The following ROBO1 variants were observed in gnomAD, a reference collection of about 807,000 sequenced individuals.
ROBO1 encodes roundabout homolog 1.
Under a neutral mutation model 195.9 loss-of-function variants are expected in ROBO1, and 149 were observed. The ratio of observed to expected loss-of-function variants is 0.76; its 90% confidence interval spans 0.67 to 0.87. ROBO1 has a LOEUF of 0.87. Among genes scored for constraint, ROBO1 ranks in the 40% least tolerant of loss-of-function variants. The pLI is 0.00. For synonymous variants in ROBO1, 816 were observed against 733.2 expected (o/e 1.11, Z -1.82); for missense variants, 1,933 against 2,068.3 (o/e 0.93, Z 1.27).
At chr3:78,698,323 ACT>A (rs1382935618) in intron 8 of ROBO1, among the ~76,000 whole-genome samples, 1 of 151,910 alleles carries the variant, frequency 6.6e-6, no homozygotes, top group African/African-American at 2.4e-5. Flanking sequence ...ACAATTAAAA[ACT>A]CTCAGGATAT....
intron 2 of ROBO1, among the ~76,000 whole-genome samples, chr3:79,345,722 G>T (rs2035085246): frequency 6.6e-6 from 1 of 152,136 alleles, no homozygotes; most frequent in South Asian, 2.1e-4. Flanking sequence ...CAGAGGCAAA[G>T]TTGTAATCTC....
intron 4 of ROBO1, among the ~76,000 whole-genome samples, chr3:78,761,247 A>C (rs1428369764): frequency 1.0e-5 from 1 of 99,196 alleles, no homozygotes; most frequent in Non-Finnish European, 2.1e-5. Flanking sequence ...AACCATTAGC[A>C]ACTTCAAGAA....
chr3:79,502,318 G>A (rs1262065485), intron 2 of ROBO1, among the ~76,000 whole-genome samples: 2 of 152,168 alleles, frequency 1.3e-5, no homozygotes, highest in African/African-American at 4.8e-5. Flanking sequence ...CGAGTTCCGG[G>A]TGGGCGGGGG....
chr3:79,651,714 C>A (rs966063172), intron 1 of ROBO1, among the ~76,000 whole-genome samples: 1 of 152,110 alleles, frequency 6.6e-6, no homozygotes, highest in Admixed American at 6.6e-5. Flanking sequence ...TGGACACATA[C>A]AGAGGCTCTC....
chr3:78,804,194 T>C (rs1035795550), intron 4 of ROBO1, among the ~76,000 whole-genome samples: 7 of 152,194 alleles, frequency 4.6e-5, no homozygotes, highest in Admixed American at 3.9e-4. Context: ...TTGGTAAACA[T>C]GTTGAACTAC....
intron 3 of ROBO1, among the ~76,000 whole-genome samples, chr3:79,077,904 A>G (rs1363032509): frequency 6.6e-6 from 1 of 151,872 alleles, no homozygotes; most frequent in Non-Finnish European, 1.5e-5. Flanking sequence ...GGTGAGAAGA[A>G]CTATATTCTT....
intron 2 of ROBO1, among the ~76,000 whole-genome samples, chr3:79,224,147 A>T (rs1386182744): frequency 1.3e-5 from 2 of 152,196 alleles, no homozygotes; most frequent in African/African-American, 2.4e-5. Context: ...TGAAATTCTC[A>T]ATAGACAGAA....
At chr3:78,818,536 G>A (rs2030431030) in intron 4 of ROBO1, among the ~76,000 whole-genome samples, 1 of 152,230 alleles carries the variant, frequency 6.6e-6, no homozygotes, top group Admixed American at 6.5e-5. Context: ...GCACTGAGCA[G>A]CAGGAGGCCA....
At chr3:78,867,422 T>C (rs1243397284) in intron 4 of ROBO1, among the ~76,000 whole-genome samples, 1 of 152,206 alleles carries the variant, frequency 6.6e-6, no homozygotes, top group Non-Finnish European at 1.5e-5. Flanking sequence ...TTTTTCCCCT[T>C]CTATGTTAAG....
At chr3:78,942,961 T>C (rs935757838) in intron 3 of ROBO1, among the ~76,000 whole-genome samples, 1 of 151,710 alleles carries the variant, frequency 6.6e-6, no homozygotes, top group African/African-American at 2.4e-5. Flanking sequence ...ACGCCTGTAA[T>C]CCCAGGACTT....
At chr3:78,696,818 T>C (rs2081308124) in intron 8 of ROBO1, among the ~76,000 whole-genome samples, 1 of 151,198 alleles carries the variant, frequency 6.6e-6, no homozygotes, top group African/African-American at 2.4e-5. Flanking sequence ...TATTTAGCTA[T>C]AGTTTAAAAA....
At chr3:78,646,518 G>T (rs1706303784) in intron 20 of ROBO1, among the ~76,000 whole-genome samples, 1 of 150,644 alleles carries the variant, frequency 6.6e-6, no homozygotes. Context: ...TTACACATCT[G>T]TACATTAGCA....
At chr3:79,761,545 T>C (rs1463838306) in intron 1 of ROBO1, among the ~76,000 whole-genome samples, 1 of 152,122 alleles carries the variant, frequency 6.6e-6, no homozygotes, top group African/African-American at 2.4e-5. Context: ...TAATCAAACT[T>C]GTCATAATAA....
intron 2 of ROBO1, among the ~76,000 whole-genome samples, chr3:79,530,977 T>C (rs1941637220): frequency 6.6e-6 from 1 of 152,164 alleles, no homozygotes; most frequent in Admixed American, 6.6e-5. Flanking sequence ...GTATTTTCTG[T>C]GTGTGTTTCT....
intron 2 of ROBO1, among the ~76,000 whole-genome samples, chr3:79,136,699 A>T (rs1326369413): frequency 6.6e-6 from 1 of 152,162 alleles, no homozygotes; most frequent in Non-Finnish European, 1.5e-5. Context: ...CTATAAGATC[A>T]AATTTAAGTT....
At chr3:79,049,621 A>T (rs1344660590) in intron 3 of ROBO1, among the ~76,000 whole-genome samples, 1 of 152,114 alleles carries the variant, frequency 6.6e-6, no homozygotes, top group Non-Finnish European at 1.5e-5. Context: ...TTGACATGAA[A>T]GAAAAAATGT....
chr3:79,143,965 CTT>C (rs1270201049), intron 2 of ROBO1, among the ~76,000 whole-genome samples: 1 of 149,548 alleles, frequency 6.7e-6, no homozygotes, highest in East Asian at 2.0e-4. Flanking sequence ...TTGAGAATGA[CTT>C]TTTTTTTTCC....
intron 2 of ROBO1, among the ~76,000 whole-genome samples, chr3:79,311,360 T>C (rs939157562): frequency 2.0e-5 from 3 of 152,222 alleles, no homozygotes; most frequent in Admixed American, 6.5e-5. Context: ...ATACTTTGTA[T>C]ATGTAAAGAA....
chr3:79,150,886 T>A (rs2080754786), intron 2 of ROBO1, among the ~76,000 whole-genome samples: 1 of 151,538 alleles, frequency 6.6e-6, no homozygotes, highest in Admixed American at 6.6e-5. Flanking sequence ...AGTTTAGGAG[T>A]CATCCTTAAT....
Sources: allele counts gnomAD v4.1 joint callset (sites outside exome capture counted in the v4.1 genomes callset), GRCh38; gene constraint gnomAD v4.1.1; transcripts MANE v1.5; gene names NCBI Gene and HGNC (gene_info 2026-07-23, HGNC 2026-07-21).